Variants in HAPSTR1 observed in about 807,000 individuals in gnomAD.
HAPSTR1 encodes the protein HUWE1-associated protein modifying stress responses 1.
chr16:9,102,682 T>G, the HAPSTR1 span, among the ~76,000 whole-genome samples: 1 of 152,240 alleles, frequency 6.6e-6, no homozygotes, highest in African/African-American at 2.4e-5. Context: ...AATGATGTGA[T>G]GCAAGTTATT....
the HAPSTR1 span, chr16:9,108,327 T>G: frequency 6.6e-6 from 1 of 152,158 alleles, no homozygotes; most frequent in Admixed American, 6.5e-5. Flanking sequence ...TAAAAAAATT[T>G]CTAATTTTCA....
chr16:9,101,826 C>G, the HAPSTR1 span, among the ~76,000 whole-genome samples: 1 of 150,786 alleles, frequency 6.6e-6, no homozygotes, highest in African/African-American at 2.4e-5. Flanking sequence ...ATGTAGCAGA[C>G]AAGAAATTAA....
the HAPSTR1 span, chr16:9,104,285 T>G: frequency 1.3e-5 from 2 of 152,136 alleles, no homozygotes; most frequent in African/African-American, 4.8e-5. Flanking sequence ...GCTAATTTTT[T>G]AGAGACAGGG....
the HAPSTR1 span, among the ~76,000 whole-genome samples, chr16:9,098,862 C>A: frequency 6.6e-6 from 1 of 152,188 alleles, no homozygotes; most frequent in South Asian, 2.1e-4. Flanking sequence ...AGAGGGAACT[C>A]TGTCAATGAA....
chr16:9,119,130 T>C, the HAPSTR1 span: 89,353 of 152,600 alleles, frequency 0.59, 26,293 homozygotes, highest in Admixed American at 0.6. Context: ...CTAATGAATT[T>C]GTCACCCAGT....
At chr16:9,092,917 T>G in the HAPSTR1 span, 1 of 1,597,018 alleles carries the variant, frequency 6.3e-7, no homozygotes, top group Non-Finnish European at 8.5e-7. Flanking sequence ...GGCTTGCTTT[T>G]CAGACCGAGT....
At chr16:9,112,595 C>T in the HAPSTR1 span, 19 of 152,232 alleles carry the variant, frequency 1.2e-4, no homozygotes, top group African/African-American at 4.3e-4. Flanking sequence ...CTTTCTCTGC[C>T]TGTGTGTGAC....
the HAPSTR1 span, among the ~76,000 whole-genome samples, chr16:9,095,317 A>G: frequency 6.6e-6 from 1 of 152,230 alleles, no homozygotes; most frequent in Non-Finnish European, 1.5e-5. Flanking sequence ...AGCTGTAGGA[A>G]TAATTGGTTA....
At chr16:9,095,513 C>T in the HAPSTR1 span, among the ~76,000 whole-genome samples, 2 of 152,014 alleles carry the variant, frequency 1.3e-5, no homozygotes, top group Admixed American at 6.6e-5. Context: ...TGTATAATAT[C>T]TGACAAGGTA....
chr16:9,094,302 T>C, the HAPSTR1 span, among the ~76,000 whole-genome samples: 4 of 152,202 alleles, frequency 2.6e-5, no homozygotes, highest in African/African-American at 9.7e-5. Flanking sequence ...TTTATATAGC[T>C]GTTTGTTAAA....
the HAPSTR1 span, chr16:9,109,216 C>T: frequency 6.6e-6 from 1 of 152,078 alleles, no homozygotes; most frequent in Non-Finnish European, 1.5e-5. Context: ...GGGAGAGATT[C>T]AGAGTTGCCC....
At chr16:9,096,479 C>T in the HAPSTR1 span, among the ~76,000 whole-genome samples, 1 of 152,176 alleles carries the variant, frequency 6.6e-6, no homozygotes, top group Non-Finnish European at 1.5e-5. Context: ...ACTTTTGATA[C>T]ATCTTGATGC....
chr16:9,092,292 T>G, the HAPSTR1 span: 1 of 1,483,950 alleles, frequency 6.7e-7, no homozygotes, highest in Non-Finnish European at 9.0e-7. Context: ...GCCGCCATCT[T>G]GGTACCGCTT....
chr16:9,116,313 C>T, the HAPSTR1 span, among the ~76,000 whole-genome samples: 3 of 152,160 alleles, frequency 2.0e-5, no homozygotes, highest in African/African-American at 7.2e-5. Flanking sequence ...CCAAAAATGT[C>T]TTGTCTTTAA....
chr16:9,105,642 T>G, the HAPSTR1 span: 1 of 151,298 alleles, frequency 6.6e-6, no homozygotes, highest in African/African-American at 2.5e-5. Context: ...AAAATGTATT[T>G]GGAAACACCA....
chr16:9,111,968 CTG>C, the HAPSTR1 span: 1 of 152,168 alleles, frequency 6.6e-6, no homozygotes, highest in African/African-American at 2.4e-5. Flanking sequence ...ACATTACAAA[CTG>C]TCTTTGAAAA....
At chr16:9,120,070 T>C in the HAPSTR1 span, 3 of 152,232 alleles carry the variant, frequency 2.0e-5, no homozygotes, top group African/African-American at 7.2e-5. Context: ...GTCAGCAGAT[T>C]AATCTCATTG....
the HAPSTR1 span, chr16:9,108,536 T>C: frequency 1.3e-5 from 2 of 152,080 alleles, no homozygotes; most frequent in Non-Finnish European, 2.9e-5. Flanking sequence ...AGATGTGGGA[T>C]TTCTGTCTAC....
chr16:9,092,155 G>A, the HAPSTR1 span: 1 of 1,563,760 alleles, frequency 6.4e-7, no homozygotes, highest in Non-Finnish European at 8.7e-7. Flanking sequence ...AGGACGAGCA[G>A]CTGCCCCCCG....
Sources: allele counts gnomAD v4.1 joint callset (sites outside exome capture counted in the v4.1 genomes callset), GRCh38; gene constraint gnomAD v4.1.1; transcripts MANE v1.5; gene names NCBI Gene and HGNC (gene_info 2026-07-23, HGNC 2026-07-21).